TNS1: variants seen among roughly 807,000 people sequenced by gnomAD.
TNS1 encodes tensin 1, also known as tensin-1.
In TNS1, 62 loss-of-function variants were observed where a neutral mutation model predicts 168.6. The ratio of observed to expected loss-of-function variants is 0.37; its 90% confidence interval spans 0.30 to 0.45. TNS1 has a LOEUF of 0.45. Ranked by LOEUF, TNS1 falls within the 20% of genes least tolerant of loss-of-function variation. The pLI, the probability that TNS1 is intolerant of heterozygous loss-of-function variation, is 1.00. For missense variants in TNS1, 2,240 were observed against 2,339.4 expected (o/e 0.96, Z 0.88); for synonymous variants, 934 against 933.2 (o/e 1.00, Z -0.02).
chr2:217,854,756 G>A (rs1038484004), intron 18 of TNS1, among the ~76,000 whole-genome samples: 11 of 152,186 alleles, frequency 7.2e-5, no homozygotes, highest in Non-Finnish European at 1.5e-5. Flanking sequence ...CATGGGAAGA[G>A]GCAGGAGAGG....
chr2:217,898,033 T>C, intron 7 of TNS1, 64 bp from the exon 8 acceptor site: 1 of 1,513,158 alleles, frequency 6.6e-7, no homozygotes, highest in Non-Finnish European at 8.9e-7. Flanking sequence ...AGGCCCCAGA[T>C]AGCTGCACCC....
intron 18 of TNS1, among the ~76,000 whole-genome samples, chr2:217,857,179 C>T (rs983733719): frequency 4.6e-5 from 7 of 152,210 alleles, no homozygotes; most frequent in Non-Finnish European, 1.0e-4. Context: ...TGGGGGACAG[C>T]AGAACTGGGA....
At chr2:217,875,617 G>C (rs79910957) in intron 18 of TNS1, among the ~76,000 whole-genome samples, 2,790 of 151,960 alleles carry the variant, frequency 0.018, 92 homozygotes, top group African/African-American at 0.064. Context: ...TCTCCTTCTT[G>C]GTCTCTGCCT....
intron 4 of TNS1, among the ~76,000 whole-genome samples, chr2:217,912,043 T>G (rs1954468455): frequency 6.6e-6 from 1 of 152,132 alleles, no homozygotes; most frequent in Non-Finnish European, 1.5e-5. Flanking sequence ...CCTCAATTTT[T>G]TTCCAAAAAA....
intron 19 of TNS1, among the ~76,000 whole-genome samples, chr2:217,841,836 C>A (rs533146469): frequency 6.6e-6 from 1 of 152,206 alleles, no homozygotes; most frequent in Non-Finnish European, 1.5e-5. Flanking sequence ...GATCCTCTTT[C>A]CTGGGGAACC....
At chr2:217,884,974 A>G (rs1024264195) in intron 16 of TNS1, 61 bp downstream of exon 16, 20 of 1,606,394 alleles carry the variant, frequency 1.2e-5, no homozygotes, top group Non-Finnish European at 1.6e-5. Context: ...ATATCGTCTC[A>G]AACTGAGCTC....
chr2:217,816,693 G>T (rs1191371426), intron 24 of TNS1, among the ~76,000 whole-genome samples: 1 of 152,168 alleles, frequency 6.6e-6, no homozygotes, highest in African/African-American at 2.4e-5. Flanking sequence ...GAAACAGGAA[G>T]TGTCCCAGCT....
intron 8 of TNS1, among the ~76,000 whole-genome samples, 197 bp downstream of exon 8, chr2:217,897,601 A>G (rs1036944208): frequency 6.6e-6 from 1 of 152,134 alleles, no homozygotes; most frequent in Middle Eastern, 3.4e-3. Context: ...GCTGCAGCAC[A>G]CTCCTTAGAG....
rs1481799530 is a variant in TNS1 at position 217,813,821 on chromosome 2, A to G, written c.4730-5T>C. ...GGTCCTTGAGGAGCGCGATGGCTGC[A>G]TGGGGAAGGGACAAGGAGAGAGGAG... On this transcript the variant is annotated splice_polypyrimidine_tract_variant and splice_region_variant and intron_variant, in intron 25 of 32. Transcript: ENST00000682258. This position sits in a 1 kb window ranked among gnomAD's most constrained non-coding sequence, Gnocchi z 4.0. The G allele has an allele frequency of 6.2e-7, 1 of 1,606,266 alleles. No individual in the cohort carries two copies. The highest frequency in any genetic ancestry group is 1.7e-5 in the Admixed American group (1 of 58,728).
intron 18 of TNS1, among the ~76,000 whole-genome samples, chr2:217,869,394 A>AT (rs1315988489): frequency 6.6e-6 from 1 of 152,268 alleles, no homozygotes; most frequent in East Asian, 1.9e-4. Context: ...GCAAGGAATC[A>AT]TTTGGAATAG....
chr2:217,891,554 C>T (rs144035907), intron 11 of TNS1, among the ~76,000 whole-genome samples: 7 of 152,298 alleles, frequency 4.6e-5, no homozygotes, highest in Non-Finnish European at 1.0e-4. Flanking sequence ...GCTCGAAGTC[C>T]TAAAACTACA....
upstream of TNS1, among the ~76,000 whole-genome samples, chr2:218,005,755 T>C (rs1197116778): frequency 6.6e-6 from 1 of 152,236 alleles, no homozygotes; most frequent in Non-Finnish European, 1.5e-5. Flanking sequence ...ATTTTCCTAC[T>C]GTAAGCATTC....
chr2:218,020,896 T>C (rs1320742675), intron 1 of TNS1, among the ~76,000 whole-genome samples: 1 of 152,094 alleles, frequency 6.6e-6, no homozygotes, highest in African/African-American at 2.4e-5. Context: ...GCAAAGGCAA[T>C]TCGGACGAAG....
chr2:217,896,886 A>G (rs1952367261), intron 8 of TNS1, among the ~76,000 whole-genome samples: 1 of 152,218 alleles, frequency 6.6e-6, no homozygotes, highest in Admixed American at 6.5e-5. Context: ...TACCTAATAC[A>G]ATATAAACGC....
intron 1 of TNS1, among the ~76,000 whole-genome samples, chr2:218,023,841 C>A (rs928038299): frequency 6.6e-6 from 1 of 152,204 alleles, no homozygotes; most frequent in South Asian, 2.1e-4. Context: ...TGTCCCCACC[C>A]TTACTCCCAA....
intron 19 of TNS1, among the ~76,000 whole-genome samples, chr2:217,837,207 C>T (rs1440823921): frequency 2.0e-5 from 3 of 152,158 alleles, no homozygotes; most frequent in African/African-American, 4.8e-5. Flanking sequence ...CATGGGTCAG[C>T]GTGTGTGCAC....
intron 3 of TNS1, among the ~76,000 whole-genome samples, chr2:217,947,718 T>C (rs538354908): frequency 1.3e-5 from 2 of 152,098 alleles, no homozygotes; most frequent in African/African-American, 4.8e-5. Flanking sequence ...AAGAGAAAGA[T>C]GGGGCAAGGT....
At position 217,990,992 on chromosome 2, in the gene TNS1, G is replaced by T; in HGVS notation, c.98C>A (p.Pro33His). The T allele has an allele frequency of 7.2e-6, 5 of 695,552 alleles. No homozygotes were observed. The highest frequency in any genetic ancestry group is 1.3e-5 in the Non-Finnish European group (5 of 379,516). 43.1% of individuals were successfully genotyped at this position (695,552 alleles called of 1,614,324 possible). A position where few individuals can be genotyped will look rare whatever the true frequency, so the allele number is the denominator to read the frequency against. The stretch of plus-strand genomic sequence containing the variant: ...GATGACCTGGCGGCAGATCCCACAG[G>T]GCTTCACCTTCTTGAAGGTCTTCAC... The part of the protein sequence containing the change: ...FKVKTFKKVK[P>H]CGICRQVITQ... Residue 33 changes from proline to histidine, a missense_variant, in exon 2 of 33, where the codon CCC becomes CAC. By Grantham distance (77) the Pro-to-His change is moderately conservative. Around this residue, in one of 2 missense-constraint regions of TNS1, gnomAD observed 2,131 missense variants for 2,171.2 expected, o/e 0.98. Transcript: ENST00000682258.
upstream of TNS1, among the ~76,000 whole-genome samples, chr2:218,005,719 A>G (rs1450947760): frequency 1.3e-5 from 2 of 152,184 alleles, no homozygotes; most frequent in Non-Finnish European, 2.9e-5. Flanking sequence ...CAATCACTCA[A>G]TCAATTAGTC....
Sources: allele counts gnomAD v4.1 joint callset (sites outside exome capture counted in the v4.1 genomes callset), GRCh38; gene constraint gnomAD v4.1.1; regional missense constraint gnomAD v4.1.1; non-coding constraint Gnocchi (gnomAD v3.1); transcripts MANE v1.5; gene names NCBI Gene and HGNC (gene_info 2026-07-23, HGNC 2026-07-21).